The following RNF14 variants were observed in gnomAD, a reference collection of about 807,000 sequenced individuals.
RNF14 encodes ring finger protein 14.
A neutral mutation model predicts 52.6 loss-of-function variants in RNF14; 26 were observed. That is an observed-to-expected ratio of 0.49 (90% CI 0.36 to 0.69). The LOEUF is 0.69. Ranked by LOEUF, RNF14 falls within the 30% of genes least tolerant of loss-of-function variation. The probability of loss-of-function intolerance (pLI) is 0.00; values close to 1 mark genes in which losing one functional copy is unlikely to be tolerated. For missense variants in RNF14, 404 were observed against 560.4 expected, an observed-to-expected ratio of 0.72 and a Z score of 2.82; for synonymous variants, 194 against 202.0, an observed-to-expected ratio of 0.96 and a Z score of 0.34.
Position 141,984,658 on chromosome 5 carries a change from G to T in RNF14, c.1237-145G>T, listed in dbSNP as rs527308116. The T allele has an allele frequency of 3.5e-5, 21 of 603,238 alleles. No homozygotes were observed. In the East Asian group the frequency reaches 5.3e-4, roughly 15 times the overall value. The allele number at this position is 603,238 out of a possible 1,614,324, so 37.4% of individuals were successfully genotyped here. On this transcript the variant is annotated intron_variant, in intron 7 of 8. Transcript: ENST00000394520. Reference sequence around the variant, plus strand: ...AATGCAAAATAGAAAGAATTACATAGTCATCAGTGTGTTACATTGATATCT... The same window carrying T: ...AATGCAAAATAGAAAGAATTACATATTCATCAGTGTGTTACATTGATATCT...
At chr5:141,954,862 A>G (rs1343103294), upstream of RNF14, 5 of 1,372,690 alleles carry the variant, frequency 3.6e-6, no homozygotes, top group Non-Finnish European at 4.9e-6. Context: ...AGAAAGTGCC[A>G]GGTGAGCCTA....
chr5:141,957,428 G>T (rs201147415), upstream of RNF14: 3 of 1,612,546 alleles, frequency 1.9e-6, no homozygotes, highest in Non-Finnish European at 2.5e-6. This position sits in a 1 kb window ranked among gnomAD's most constrained non-coding sequence, Gnocchi z 4.3. Flanking sequence ...GAGATTTCCA[G>T]CTCCTGCTCG....
chr5:141,984,655 A>AT (rs1755080558), intron 7 of RNF14, 148 bp from the exon 8 acceptor site: 6 of 592,398 alleles, frequency 1.0e-5, no homozygotes, highest in Non-Finnish European at 1.8e-5. Context: ...AAAGAATTAC[A>AT]TAGTCATCAG....
At chr5:141,985,924 C>T (rs891494925) in intron 8 of RNF14, among the ~76,000 whole-genome samples, 1 of 152,168 alleles carries the variant, frequency 6.6e-6, no homozygotes, top group Non-Finnish European at 1.5e-5. Flanking sequence ...TTTTATTTGT[C>T]CATGGTGTCC....
chr5:141,961,946 C>G (rs1398910206), upstream of RNF14, among the ~76,000 whole-genome samples: 1 of 152,206 alleles, frequency 6.6e-6, no homozygotes, highest in Non-Finnish European at 1.5e-5. Flanking sequence ...GCTTTCTCCT[C>G]GTGAATCTCC....
the RNF14 span, chr5:141,949,722 G>T: frequency 1.1e-6 from 1 of 884,802 alleles, no homozygotes; most frequent in Non-Finnish European, 1.7e-6. Context: ...GACCAACCTG[G>T]ATCATGTGAT....
At chr5:141,957,305 C>T (rs1271961167), upstream of RNF14, 11 of 1,613,138 alleles carry the variant, frequency 6.8e-6, no homozygotes, top group South Asian at 1.1e-4. The surrounding 1 kb of genome is among the most constrained non-coding windows in gnomAD (Gnocchi z 4.3). Context: ...ACAATGACAT[C>T]CAAGGCAAAG....
intron 2 of RNF14, among the ~76,000 whole-genome samples, chr5:141,971,113 A>T (rs1324437716): frequency 6.6e-6 from 1 of 152,248 alleles, no homozygotes; most frequent in African/African-American, 2.4e-5. Context: ...TTGTAGTTCA[A>T]TATTTTAATT....
upstream of RNF14, among the ~76,000 whole-genome samples, chr5:141,963,516 C>T (rs1455057277): frequency 1.3e-5 from 2 of 151,994 alleles, no homozygotes; most frequent in Non-Finnish European, 1.5e-5. Context: ...GTTGATTGGC[C>T]TTGTTATGTG....
chr5:141,977,325 A>AT (rs2127009004), intron 4 of RNF14, among the ~76,000 whole-genome samples: 1 of 152,380 alleles, frequency 6.6e-6, no homozygotes, highest in Admixed American at 6.5e-5. Flanking sequence ...GGTAGTACCT[A>AT]TGCAGGGTTT....
chr5:141,959,641 G>A (rs539389178), intron 1 of RNF14, among the ~76,000 whole-genome samples: 22 of 152,228 alleles, frequency 1.4e-4, no homozygotes, highest in South Asian at 6.2e-4. Context: ...TCAGGACTGG[G>A]GTGGCTAAGG....
At chr5:141,957,468 G>C, upstream of RNF14, 1 of 1,612,958 alleles carries the variant, frequency 6.2e-7, no homozygotes, top group South Asian at 1.1e-5. The surrounding 1 kb of genome is among the most constrained non-coding windows in gnomAD (Gnocchi z 4.3). Flanking sequence ...GGTGGTCATT[G>C]ATGTCCAGCA....
At position 141,983,626 on chromosome 5, in the gene RNF14, A is replaced by G. The variant is rs1754976618; in HGVS notation, c.1236+74A>G. 4.1e-5 allele frequency: 54 copies of G among 1,323,206 alleles called. 4 individuals are homozygous for G. The South Asian group carries it at 8.0e-4, about 20-fold the overall frequency. 82.0% of individuals were successfully genotyped at this position (1,323,206 alleles called of 1,614,324 possible). ...TATGATTACCTTAAGAAGCCTTACT[A>G]GTCAATTTTATGACTTACAAAACAC... On this transcript the variant is annotated intron_variant, in intron 7 of 8. Transcript: ENST00000394520.
At chr5:141,970,459 G>T (rs2126966668) in intron 1 of RNF14, among the ~76,000 whole-genome samples, 1 of 152,278 alleles carries the variant, frequency 6.6e-6, no homozygotes, top group Non-Finnish European at 1.5e-5. Context: ...TGACCTTGGT[G>T]TTCCTCCTTA....
At chr5:141,964,640 G>T (rs1186834065), upstream of RNF14, among the ~76,000 whole-genome samples, 2 of 152,094 alleles carry the variant, frequency 1.3e-5, no homozygotes, top group African/African-American at 4.8e-5. Context: ...TTGAGACAGA[G>T]TCTCATTCTG....
chr5:141,970,200 C>T (rs1753620922), intron 1 of RNF14, among the ~76,000 whole-genome samples: 1 of 152,154 alleles, frequency 6.6e-6, no homozygotes, highest in South Asian at 2.1e-4. Flanking sequence ...AAGCCTAGCT[C>T]TAAAGCATTT....
At chr5:141,951,940 A>G in the RNF14 span, among the ~76,000 whole-genome samples, 1 of 152,242 alleles carries the variant, frequency 6.6e-6, no homozygotes, top group Non-Finnish European at 1.5e-5. Flanking sequence ...ACTTTGATGA[A>G]GATTATCTTA....
At chr5:141,964,287 A>G (rs1753299050), upstream of RNF14, among the ~76,000 whole-genome samples, 2 of 152,176 alleles carry the variant, frequency 1.3e-5, no homozygotes, top group South Asian at 4.1e-4. Flanking sequence ...TCCTTGAGCC[A>G]AGTATTGACT....
At position 141,978,419 on chromosome 5, in the gene RNF14, C is replaced by G. The variant is rs771146689; in HGVS notation, c.423C>G (p.Val141=). 1 of 1,614,192 alleles carries G rather than the reference C, an allele frequency of 6.2e-7. No homozygotes were observed. Among genetic ancestry groups the G allele is most frequent in the Non-Finnish European group, 8.5e-7 (1 of 1,180,034 alleles). Residue 141 remains valine (V), a synonymous_variant, in exon 5 of 9, where the codon GTC becomes GTG. Transcript: ENST00000394520. The part of the protein sequence containing the change: ...KEETLAYLNI[V]SPFELKIGSQ... ...AGACCCTAGCATACTTGAATATTGT[C>G]TCTCCTTTTGAGCTCAAGATTGGTT...
Sources: gnomAD v4.1 joint callset for allele counts (sites outside exome capture counted in the v4.1 genomes callset) on GRCh38, gnomAD v4.1.1 for gene constraint, Gnocchi (gnomAD v3.1) non-coding constraint, MANE v1.5 for transcripts, NCBI Gene and HGNC (gene_info 2026-07-23, HGNC 2026-07-21) for gene names.